PARD3: variants seen among roughly 807,000 people sequenced by gnomAD.
PARD3 encodes partitioning defective 3 homolog.
In PARD3, 75 loss-of-function variants were observed where a neutral mutation model predicts 155.4. The observed-to-expected ratio is 0.48, with a 90% CI of 0.40 to 0.58. The LOEUF is 0.58. PARD3 is among the 20% of genes least tolerant of loss of function. The pLI, the probability that PARD3 is intolerant of heterozygous loss-of-function variation, is 0.00. For synonymous variants in PARD3, 576 were observed against 610.5 expected, an observed-to-expected ratio of 0.94 and a Z score of 0.83; for missense variants, 1,642 against 1,721.7, an observed-to-expected ratio of 0.95 and a Z score of 0.82.
chr10:34,574,641 C>G lies in PARD3; in HGVS notation c.223-57482G>C, dbSNP rs2086744246. 2.6e-5 allele frequency among the ~76,000 whole-genome samples: 4 copies of G among 152,088 alleles called. No homozygotes were observed. The South Asian group carries it at 8.3e-4, about 32-fold the overall frequency. On this transcript the variant is annotated intron_variant, in intron 2 of 24. Transcript: ENST00000374788. ...CAAATGAAAAATGAGGGAGTTAAGC[C>G]CAATTCACTCTTCTATGGGCTTTAT...
intron 22 of PARD3, among the ~76,000 whole-genome samples, chr10:34,137,242 G>A (rs1947949079): frequency 6.6e-6 from 1 of 152,180 alleles, no homozygotes; most frequent in Admixed American, 6.5e-5. Flanking sequence ...CGCAGTGTTT[G>A]TGGTTACAAT....
chr10:34,798,375 A>G (rs1842510170), intron 1 of PARD3, among the ~76,000 whole-genome samples: 1 of 151,518 alleles, frequency 6.6e-6, no homozygotes, highest in Admixed American at 6.6e-5. Context: ...AGAAGAAGAA[A>G]TGAGAAGAAA....
intron 5 of PARD3, among the ~76,000 whole-genome samples, chr10:34,407,623 A>C (rs1844631720): frequency 6.6e-6 from 1 of 152,184 alleles, no homozygotes; most frequent in Admixed American, 6.5e-5. Flanking sequence ...CTTTATTAGG[A>C]TTCCAGAAAA....
intron 22 of PARD3, among the ~76,000 whole-genome samples, chr10:34,180,862 CT>C (rs1448399941): frequency 6.6e-6 from 1 of 152,058 alleles, no homozygotes; most frequent in Non-Finnish European, 1.5e-5. Flanking sequence ...AAAAGGACTT[CT>C]TTAACATGAG....
chr10:34,426,447 A>AT (rs1264965082), intron 5 of PARD3, among the ~76,000 whole-genome samples: 1 of 152,196 alleles, frequency 6.6e-6, no homozygotes, highest in Non-Finnish European at 1.5e-5. Flanking sequence ...GGAGAATGGT[A>AT]TTTTTTTGTA....
chr10:34,769,450 C>G (rs1361042411), intron 1 of PARD3, among the ~76,000 whole-genome samples: 1 of 152,078 alleles, frequency 6.6e-6, no homozygotes, highest in Non-Finnish European at 1.5e-5. Flanking sequence ...TTTATCCTCT[C>G]CAGGTGAAAA....
chr10:34,769,796 A>C (rs1418663995), intron 1 of PARD3, among the ~76,000 whole-genome samples: 3 of 17,708 alleles, frequency 1.7e-4, no homozygotes, highest in South Asian at 3.5e-3. Context: ...ACGAACAAAA[A>C]AACAAAACAA....
intron 4 of PARD3, among the ~76,000 whole-genome samples, chr10:34,458,290 C>T (rs1007661726): frequency 3.9e-5 from 6 of 152,122 alleles, no homozygotes; most frequent in Non-Finnish European, 7.4e-5. Context: ...GAAGCCTCAA[C>T]CTCCCCAGCT....
chr10:34,115,674 A>G (rs1268565769), intron 24 of PARD3, among the ~76,000 whole-genome samples: 1 of 152,084 alleles, frequency 6.6e-6, no homozygotes, highest in East Asian at 1.9e-4. Context: ...GTGCCCCACA[A>G]ATTATACAAT....
chr10:34,172,315 A>G (rs1949834399), intron 22 of PARD3, among the ~76,000 whole-genome samples: 1 of 152,184 alleles, frequency 6.6e-6, no homozygotes, highest in African/African-American at 2.4e-5. Context: ...TACGGTCAGA[A>G]TCACTCATCC....
chr10:34,780,270 T>TA (rs1364389320), intron 1 of PARD3, among the ~76,000 whole-genome samples: 1 of 152,212 alleles, frequency 6.6e-6, no homozygotes, highest in East Asian at 1.9e-4. Flanking sequence ...CTCCTTACCA[T>TA]AGAGATGTGG....
chr10:34,411,570 G>A (rs1845056152), intron 5 of PARD3, among the ~76,000 whole-genome samples: 1 of 152,042 alleles, frequency 6.6e-6, no homozygotes, highest in South Asian at 2.1e-4. Context: ...TCTTCTGGGG[G>A]ACTAGAGCTG....
intron 1 of PARD3, among the ~76,000 whole-genome samples, chr10:34,753,197 A>C (rs1251680044): frequency 1.3e-5 from 2 of 152,222 alleles, no homozygotes; most frequent in Non-Finnish European, 2.9e-5. Context: ...ATACATGCCC[A>C]CATGAGGAGC....
intron 22 of PARD3, among the ~76,000 whole-genome samples, chr10:34,150,079 A>T (rs1948705709): frequency 6.6e-6 from 1 of 152,238 alleles, no homozygotes; most frequent in Non-Finnish European, 1.5e-5. Context: ...TATAAAGCAC[A>T]GAGTTTCTTG....
Position 34,396,381 on chromosome 10 carries a change from A to C in PARD3, c.890+2949T>G, listed in dbSNP as rs1412978940. ...AACACAAAAAAACCAACAACAACAA[A>C]AAAAACTTCATCACACATCAGGTCA... On this transcript the variant is annotated intron_variant, in intron 7 of 24. Transcript: ENST00000374788. Among the ~76,000 whole-genome samples the C allele has an allele frequency of 2.6e-5, 4 of 152,082 alleles. No individual in the cohort carries two copies. In the East Asian group the frequency reaches 7.7e-4, roughly 29 times the overall value.
At chr10:34,416,892 C>T (rs1051776670) in intron 5 of PARD3, among the ~76,000 whole-genome samples, 2 of 152,222 alleles carry the variant, frequency 1.3e-5, no homozygotes, top group Admixed American at 1.3e-4. Context: ...CTTCATCTTG[C>T]TTCTAAACTC....
chr10:34,367,134 T>C (rs762567085), intron 12 of PARD3, among the ~76,000 whole-genome samples: 12 of 152,208 alleles, frequency 7.9e-5, no homozygotes, highest in Non-Finnish European at 1.8e-4. Flanking sequence ...TTGAGGGACA[T>C]TCTCAAAGTA....
chr10:34,332,792 T>C (rs1456582017), intron 18 of PARD3, among the ~76,000 whole-genome samples: 1 of 152,188 alleles, frequency 6.6e-6, no homozygotes, highest in Non-Finnish European at 1.5e-5. Flanking sequence ...ATGACAAAAG[T>C]TCATGAGATT....
chr10:34,468,304 T>G (rs1157964688), intron 4 of PARD3, among the ~76,000 whole-genome samples: 1 of 152,236 alleles, frequency 6.6e-6, no homozygotes, highest in African/African-American at 2.4e-5. Flanking sequence ...CAAAAATGTT[T>G]TATGATAAAA....
Sources: gnomAD v4.1 joint callset for allele counts (sites outside exome capture counted in the v4.1 genomes callset) on GRCh38, gnomAD v4.1.1 for gene constraint, MANE v1.5 for transcripts, NCBI Gene and HGNC (gene_info 2026-07-23, HGNC 2026-07-21) for gene names.